ZNF362: variants seen among roughly 807,000 people sequenced by gnomAD.
The protein encoded by ZNF362 is zinc finger protein 362.
Under a neutral mutation model 42.9 loss-of-function variants are expected in ZNF362, and 11 were observed. The observed-to-expected ratio is 0.26, with a 90% CI of 0.16 to 0.42. The LOEUF (loss-of-function observed/expected upper bound fraction) is 0.42, where lower values mean the gene tolerates loss of function less well. Ranked by LOEUF, ZNF362 falls within the 20% of genes least tolerant of loss-of-function variation. ZNF362 has a pLI of 1.00. For synonymous variants in ZNF362, 255 were observed against 257.3 expected, an observed-to-expected ratio of 0.99 and a Z score of 0.09; for missense variants, 362 against 576.2, an observed-to-expected ratio of 0.63 and a Z score of 3.81.
the ZNF362 span, among the ~76,000 whole-genome samples, chr1:33,161,143 T>G: frequency 6.6e-6 from 1 of 152,226 alleles, no homozygotes; most frequent in Admixed American, 6.5e-5. The surrounding 1 kb of genome is among the most constrained non-coding windows in gnomAD (Gnocchi z 4.3). Flanking sequence ...GGGGGTGTTG[T>G]TGTGCGCACT....
intron 6 of ZNF362, chr1:33,282,019 G>C: frequency 1.7e-6 from 1 of 593,086 alleles, no homozygotes; most frequent in South Asian, 2.0e-5. Context: ...TGCACATGCT[G>C]TGTCCTTTAC....
At chr1:33,150,788 G>A in the ZNF362 span, among the ~76,000 whole-genome samples, 1 of 152,122 alleles carries the variant, frequency 6.6e-6, no homozygotes, top group Admixed American at 6.5e-5. Context: ...GAGCTAGATT[G>A]AGAAGAGGAA....
chr1:33,151,421 G>A, the ZNF362 span, among the ~76,000 whole-genome samples: 10 of 152,214 alleles, frequency 6.6e-5, no homozygotes, highest in South Asian at 1.2e-3. Context: ...GGCCTTGCAC[G>A]AATCATTAAC....
chr1:33,143,146 T>C, the ZNF362 span: 1 of 152,204 alleles, frequency 6.6e-6, no homozygotes. Context: ...CCCAGATTCT[T>C]TCCTTCAGGA....
intron 8 of ZNF362, among the ~76,000 whole-genome samples, chr1:33,298,708 G>A (rs148811145): frequency 1.5e-4 from 23 of 152,306 alleles, no homozygotes; most frequent in African/African-American, 4.3e-4. Flanking sequence ...CCACAGGTGG[G>A]CATTGCTGAG....
At chr1:33,244,444 C>A in the ZNF362 span, among the ~76,000 whole-genome samples, 3 of 152,218 alleles carry the variant, frequency 2.0e-5, no homozygotes, top group Non-Finnish European at 4.4e-5. This position sits in a 1 kb window ranked among gnomAD's most constrained non-coding sequence, Gnocchi z 4.0. Flanking sequence ...GTGCTAGGCA[C>A]TCTTTTAATC....
chr1:33,185,570 T>A, the ZNF362 span, among the ~76,000 whole-genome samples: 1 of 152,160 alleles, frequency 6.6e-6, no homozygotes, highest in East Asian at 1.9e-4. Context: ...CCTTTTATCC[T>A]CTGAGCAGTT....
rs768069508 is a variant in ZNF362, at chr1:33,294,929, C to T, written c.909-8C>T. 1.9e-6 allele frequency: 3 copies of T among 1,613,964 alleles called. No individual in the cohort carries two copies. Among genetic ancestry groups the T allele is most frequent in the East Asian group, 2.2e-5 (1 of 44,862 alleles). ...GGGACTTCGACCTTACTGGGCTGCC[C>T]ATTACAGAATCCACACAGGCGACAG... is the stretch of plus-strand genomic sequence containing the variant. On this transcript the variant is annotated splice_region_variant and splice_polypyrimidine_tract_variant and intron_variant, in intron 6 of 8. Coordinates refer to ENST00000539719, the MANE Select transcript of ZNF362 (RefSeq NM_152493.3). The surrounding 1 kb of genome is among the most constrained non-coding windows in gnomAD (Gnocchi z 4.2).
chr1:33,283,763 G>A (rs766559148), intron 6 of ZNF362, among the ~76,000 whole-genome samples: 33 of 152,184 alleles, frequency 2.2e-4, no homozygotes, highest in Non-Finnish European at 7.3e-5. Context: ...CCAGGTGTCA[G>A]TCTGTTTTCT....
At chr1:33,213,867 CAAAACAAAACAAAA>C in the ZNF362 span, among the ~76,000 whole-genome samples, 9 of 151,310 alleles carry the variant, frequency 5.9e-5, no homozygotes, top group African/African-American at 9.7e-5. Context: ...CAAACCAAAA[CAAAACAAAACAAAA>C]AAAACAAAAC....
rs750043202 is a variant in ZNF362 at position 33,276,464 on chromosome 1, G to C, written c.219G>C (p.Pro73=). The C allele has an allele frequency of 1.3e-6, 2 of 1,554,018 alleles. No individual in the cohort carries two copies. Among genetic ancestry groups the C allele is most frequent in the Non-Finnish European group, 1.7e-6 (2 of 1,153,964 alleles). Reference sequence around the variant, plus strand: ...CGCAGCAGCCGTTGCTAGTGCCGCCGGCACCCGCCGAGAGCAGCCAGGCCG... The same window carrying C: ...CGCAGCAGCCGTTGCTAGTGCCGCCCGCACCCGCCGAGAGCAGCCAGGCCG... The part of the protein sequence containing the change: ...ASSQQPLLVP[P]APAESSQAVM... The change falls in exon 4 of 9, where the codon CCG becomes CCC. Residue 73 remains proline (P), a synonymous_variant. Transcript: ENST00000539719.
chr1:33,244,251 C>T, the ZNF362 span, among the ~76,000 whole-genome samples: 1 of 151,874 alleles, frequency 6.6e-6, no homozygotes, highest in African/African-American at 2.4e-5. The surrounding 1 kb of genome is among the most constrained non-coding windows in gnomAD (Gnocchi z 4.0). Flanking sequence ...CCTTATATAT[C>T]ACATGCTTTC....
At chr1:33,145,582 T>A in the ZNF362 span, 1 of 181,888 alleles carries the variant, frequency 5.5e-6, no homozygotes, top group South Asian at 1.0e-4. Context: ...AAGAACCCCC[T>A]GTGTTTAGCT....
At chr1:33,222,239 A>T in the ZNF362 span, among the ~76,000 whole-genome samples, 1 of 152,068 alleles carries the variant, frequency 6.6e-6, no homozygotes, top group East Asian at 1.9e-4. Context: ...TACCTTCCCC[A>T]TACTTCCCCA....
At chr1:33,181,163 C>T in the ZNF362 span, 2 of 1,597,086 alleles carry the variant, frequency 1.3e-6, no homozygotes, top group African/African-American at 1.3e-5. This position sits in a 1 kb window ranked among gnomAD's most constrained non-coding sequence, Gnocchi z 6.5. Flanking sequence ...GGCAGGGTCG[C>T]GCGGCGCGGC....
At chr1:33,159,649 G>A in the ZNF362 span, 2 of 1,580,988 alleles carry the variant, frequency 1.3e-6, no homozygotes, top group South Asian at 1.1e-5. This position sits in a 1 kb window ranked among gnomAD's most constrained non-coding sequence, Gnocchi z 4.2. Context: ...TCGAGGAGGG[G>A]ATGGTCAGCC....
the ZNF362 span, among the ~76,000 whole-genome samples, chr1:33,169,886 T>G: frequency 1.3e-5 from 2 of 152,116 alleles, no homozygotes; most frequent in African/African-American, 2.4e-5. Context: ...CTCGCAGGGC[T>G]CTCCAGGCCT....
the ZNF362 span, among the ~76,000 whole-genome samples, chr1:33,140,276 AG>A: frequency 4.6e-5 from 7 of 152,238 alleles, no homozygotes; most frequent in African/African-American, 1.7e-4. This position sits in a 1 kb window ranked among gnomAD's most constrained non-coding sequence, Gnocchi z 4.0. Context: ...GGGTTTACCC[AG>A]GTCTCGACTC....
chr1:33,166,363 G>C, the ZNF362 span: 2 of 146,176 alleles, frequency 1.4e-5, no homozygotes, highest in Non-Finnish European at 3.0e-5. Flanking sequence ...TGGAAAAATT[G>C]TCTTCCATGA....
Sources: allele counts gnomAD v4.1 joint callset (sites outside exome capture counted in the v4.1 genomes callset), GRCh38; gene constraint gnomAD v4.1.1; non-coding constraint Gnocchi (gnomAD v3.1); transcripts MANE v1.5; gene names NCBI Gene and HGNC (gene_info 2026-07-23, HGNC 2026-07-21).